Variants in TGFBR3 observed in about 807,000 individuals in gnomAD.
TGFBR3 encodes transforming growth factor beta receptor type 3.
TGFBR3 carries 46 observed loss-of-function variants against 87.9 expected under a neutral mutation model. The observed-to-expected ratio is 0.52, with a 90% CI of 0.41 to 0.67. The LOEUF is 0.67. Ranked by LOEUF, TGFBR3 falls within the 30% of genes least tolerant of loss-of-function variation. The pLI is 0.00. For synonymous variants in TGFBR3, 381 were observed against 391.6 expected (o/e 0.97, Z 0.32); for missense variants, 866 against 1,041.9 (o/e 0.83, Z 2.32).
chr1:91,853,027 C>T (rs536167209), intron 2 of TGFBR3, among the ~76,000 whole-genome samples: 2 of 151,628 alleles, frequency 1.3e-5, no homozygotes, highest in Non-Finnish European at 2.9e-5. Flanking sequence ...GGCATAGCGG[C>T]GTGCACCCGT....
chr1:91,730,105 T>C, intron 5 of TGFBR3, 132 bp from the exon 6 acceptor site: 1 of 1,014,982 alleles, frequency 9.9e-7, no homozygotes. Context: ...TGGTTCTTCG[T>C]CTGTGAAGTC....
intron 5 of TGFBR3, among the ~76,000 whole-genome samples, chr1:91,731,803 G>C (rs1264575457): frequency 6.6e-6 from 1 of 152,150 alleles, no homozygotes; most frequent in African/African-American, 2.4e-5. Flanking sequence ...AATGATGTGA[G>C]ATTTGAGACA....
intron 2 of TGFBR3, 92 bp from the exon 3 acceptor site, chr1:91,797,563 C>T: frequency 7.2e-7 from 1 of 1,382,540 alleles, no homozygotes; most frequent in Non-Finnish European, 1.0e-6. Flanking sequence ...GCCAACCCAC[C>T]AGAGATGCCT....
chr1:91,787,691 G>A (rs920247599), intron 3 of TGFBR3, among the ~76,000 whole-genome samples: 6 of 152,178 alleles, frequency 3.9e-5, no homozygotes, highest in Admixed American at 6.5e-5. Flanking sequence ...AAGAACCCCC[G>A]AGGTTAGGCA....
At chr1:91,719,801 A>C in intron 9 of TGFBR3, 92 bp downstream of exon 9, 1 of 1,448,000 alleles carries the variant, frequency 6.9e-7, no homozygotes, top group Non-Finnish European at 9.7e-7. Flanking sequence ...GAGTTCAAAA[A>C]TGAAAGAGAT....
chr1:91,829,411 A>G (rs1676773181), intron 2 of TGFBR3, among the ~76,000 whole-genome samples: 1 of 151,726 alleles, frequency 6.6e-6, no homozygotes, highest in Admixed American at 6.6e-5. Flanking sequence ...AAAAAAAACA[A>G]GGCATGGTGT....
chr1:91,778,498 T>C (rs1023323818), intron 3 of TGFBR3, among the ~76,000 whole-genome samples: 1 of 152,212 alleles, frequency 6.6e-6, no homozygotes, highest in African/African-American at 2.4e-5. Flanking sequence ...CTGTCTTCTA[T>C]ACCTTGAAGC....
chr1:91,758,586 C>T, intron 4 of TGFBR3, 27 bp downstream of exon 4: 1 of 1,613,518 alleles, frequency 6.2e-7, no homozygotes, highest in Non-Finnish European at 8.5e-7. Flanking sequence ...TGCTAAGGAT[C>T]AGTTTGGGGG....
chr1:91,838,739 G>T (rs1170554908), intron 2 of TGFBR3, among the ~76,000 whole-genome samples: 1 of 152,018 alleles, frequency 6.6e-6, no homozygotes, highest in East Asian at 1.9e-4. Context: ...AAAGTGCTGG[G>T]ATTACAGGCG....
intron 3 of TGFBR3, among the ~76,000 whole-genome samples, chr1:91,759,264 G>A (rs543498899): frequency 3.8e-4 from 58 of 151,998 alleles, no homozygotes; most frequent in Admixed American, 1.2e-3. Flanking sequence ...GAGAAAAAGC[G>A]GCTGCCAAGG....
rs576597849 is a variant in TGFBR3 at position 91,702,225 on chromosome 1, A to C, written c.2288-4095T>G. On this transcript the variant is annotated intron_variant, in intron 14 of 16. Coordinates refer to ENST00000212355, the MANE Select transcript of TGFBR3 (RefSeq NM_003243.5). The stretch of plus-strand genomic sequence containing the variant: ...CTAGGCTGTAAAGGCCTTAAAGACA[A>C]GATAATTTGTCCACTATACACCTAC... 9.8e-5 allele frequency among the ~76,000 whole-genome samples: 15 copies of C among 152,350 alleles called. No individual in the cohort carries two copies. The South Asian group carries it at 3.1e-3, about 32-fold the overall frequency.
At chr1:91,728,735 T>C (rs1672637032) in intron 6 of TGFBR3, among the ~76,000 whole-genome samples, 1 of 152,188 alleles carries the variant, frequency 6.6e-6, no homozygotes, top group Non-Finnish European at 1.5e-5. Context: ...ATCTGTAGCT[T>C]ACACGCTTTG....
chr1:91,736,196 A>G (rs916386554), intron 4 of TGFBR3, among the ~76,000 whole-genome samples: 1 of 152,038 alleles, frequency 6.6e-6, no homozygotes, highest in Non-Finnish European at 1.5e-5. Flanking sequence ...GAATCACCTG[A>G]AAAGTTTCTA....
At chr1:91,893,791 C>G (rs1048635094) in intron 2 of TGFBR3, among the ~76,000 whole-genome samples, 2 of 151,492 alleles carry the variant, frequency 1.3e-5, no homozygotes, top group Non-Finnish European at 2.9e-5. Context: ...GAAATGTTTT[C>G]CCAAAGGTTT....
rs1415729801 is a variant in TGFBR3 at position 91,711,320 on chromosome 1, G to A, written c.2166+923C>T. Among the ~76,000 whole-genome samples, 3 of 152,160 alleles carry A rather than the reference G, an allele frequency of 2.0e-5. No homozygotes were observed. In the East Asian group the frequency reaches 5.8e-4, roughly 29 times the overall value. On this transcript the variant is annotated intron_variant, in intron 13 of 16. Coordinates refer to ENST00000212355, the MANE Select transcript of TGFBR3 (RefSeq NM_003243.5). ...GTGTTATCAGAGAAAAGGATGCCCA[G>A]GGGACTATAATGATGCAAGGAATTC...
intron 2 of TGFBR3, among the ~76,000 whole-genome samples, chr1:91,892,255 T>C (rs1679466998): frequency 6.6e-6 from 1 of 151,982 alleles, no homozygotes; most frequent in South Asian, 2.1e-4. Flanking sequence ...CTTAGCTCCT[T>C]AGGGTATGTG....
Position 91,818,780 on chromosome 1 carries a change from T to TA in TGFBR3, c.62-21310dup, listed in dbSNP as rs1369176803. 4.6e-5 allele frequency among the ~76,000 whole-genome samples: 7 copies of TA among 152,354 alleles called. No homozygotes were observed. In the East Asian group the frequency reaches 1.4e-3, roughly 29 times the overall value. On this transcript the variant is annotated intron_variant, in intron 2 of 16. Coordinates refer to ENST00000212355, the MANE Select transcript of TGFBR3 (RefSeq NM_003243.5). ...CACCACACACTGAGCACACATGTGTTAAAATGCTGACACATTCATTACAAG... is the reference window on the plus strand; with the variant it reads ...CACCACACACTGAGCACACATGTGTTAAAAATGCTGACACATTCATTACAAG...
chr1:91,725,402 G>A (rs1672515730), intron 7 of TGFBR3, among the ~76,000 whole-genome samples: 3 of 152,096 alleles, frequency 2.0e-5, no homozygotes, highest in Admixed American at 2.0e-4. Flanking sequence ...TTTATGGAAG[G>A]AAGATGAACC....
chr1:91,775,124 C>T lies in TGFBR3; in HGVS notation c.247-16374G>A, dbSNP rs564484908. On this transcript the variant is annotated intron_variant, in intron 3 of 16. Transcript: ENST00000212355. ...ATCCACTCTAGTAATCTAGTTTCTA[C>T]TTCCCTTGCCAGTGGAACTATTCGC... Among the ~76,000 whole-genome samples, 7 of 152,324 alleles carry T rather than the reference C, an allele frequency of 4.6e-5. No homozygotes were observed. In the South Asian group the frequency reaches 1.4e-3, roughly 32 times the overall value.
Sources: gnomAD v4.1 joint callset for allele counts (sites outside exome capture counted in the v4.1 genomes callset) on GRCh38, gnomAD v4.1.1 for gene constraint, MANE v1.5 for transcripts, NCBI Gene and HGNC (gene_info 2026-07-23, HGNC 2026-07-21) for gene names.